MALRD1: variants seen among roughly 807,000 people sequenced by gnomAD.
The protein encoded by MALRD1 is MAM and LDL receptor class A domain containing 1.
In MALRD1, 247 loss-of-function variants were observed where a neutral mutation model predicts 242.1. The observed-to-expected ratio is 1.02, with a 90% confidence interval of 0.92 to 1.13. MALRD1 has a LOEUF of 1.13. MALRD1 is among the 50% of genes most tolerant of loss of function. The probability of loss-of-function intolerance (pLI) is 0.00; values close to 1 mark genes in which losing one functional copy is unlikely to be tolerated. For missense variants in MALRD1, 2,989 were observed against 2,533.1 expected, an observed-to-expected ratio of 1.18 and a Z score of -3.86; for synonymous variants, 995 against 866.6, an observed-to-expected ratio of 1.15 and a Z score of -2.60.
intron 13 of MALRD1, among the ~76,000 whole-genome samples, chr10:19,167,381 G>A (rs1297292380): frequency 6.6e-6 from 1 of 151,836 alleles, no homozygotes; most frequent in Non-Finnish European, 1.5e-5. Flanking sequence ...ACAAAAAAGT[G>A]TATGATTATA....
At chr10:19,365,298 AT>A (rs553208742) in intron 26 of MALRD1, among the ~76,000 whole-genome samples, 1 of 151,660 alleles carries the variant, frequency 6.6e-6, no homozygotes, top group South Asian at 2.1e-4. Flanking sequence ...TTTAGTGATG[AT>A]TTTTTTTGTG....
At chr10:19,453,055 T>C (rs913625230) in intron 29 of MALRD1, among the ~76,000 whole-genome samples, 4 of 152,198 alleles carry the variant, frequency 2.6e-5, no homozygotes, top group Non-Finnish European at 4.4e-5. Context: ...AAAATTAATG[T>C]TACATTTTAT....
intron 2 of MALRD1, among the ~76,000 whole-genome samples, chr10:19,072,095 T>C (rs746036681): frequency 9.2e-5 from 14 of 152,300 alleles, no homozygotes; most frequent in South Asian, 2.1e-4. Context: ...TTTTCTTATC[T>C]GCACGTACAC....
intron 29 of MALRD1, among the ~76,000 whole-genome samples, chr10:19,479,057 G>A (rs1406421077): frequency 2.6e-5 from 4 of 152,138 alleles, no homozygotes; most frequent in African/African-American, 9.7e-5. Flanking sequence ...GCCAGCCCAA[G>A]CAATTTTACC....
At chr10:19,492,248 T>C (rs1012076494) in intron 30 of MALRD1, among the ~76,000 whole-genome samples, 2 of 152,148 alleles carry the variant, frequency 1.3e-5, no homozygotes, top group African/African-American at 4.8e-5. Context: ...CCATATATTG[T>C]ACTGGAAAAA....
chr10:19,628,463 C>G (rs1334365713), intron 36 of MALRD1, among the ~76,000 whole-genome samples: 2 of 151,960 alleles, frequency 1.3e-5, no homozygotes, highest in East Asian at 3.9e-4. Context: ...GATATAAATC[C>G]TGACATAGAA....
At chr10:19,451,353 G>A (rs969875504) in intron 29 of MALRD1, among the ~76,000 whole-genome samples, 1 of 151,516 alleles carries the variant, frequency 6.6e-6, no homozygotes, top group African/African-American at 2.4e-5. Flanking sequence ...ACAGTAACTT[G>A]AAAAAAAAGT....
intron 28 of MALRD1, among the ~76,000 whole-genome samples, chr10:19,406,222 T>C (rs1847100526): frequency 6.6e-6 from 1 of 152,210 alleles, no homozygotes; most frequent in Admixed American, 6.5e-5. Context: ...AAATTAATCC[T>C]TCATGAAATG....
At chr10:19,298,249 G>C (rs935247482) in intron 21 of MALRD1, among the ~76,000 whole-genome samples, 30 of 151,670 alleles carry the variant, frequency 2.0e-4, no homozygotes, top group African/African-American at 7.1e-4. Flanking sequence ...TTCCCCACAA[G>C]AATCAATCCA....
intron 7 of MALRD1, among the ~76,000 whole-genome samples, chr10:19,125,282 TTTCTTTCTTTCCTTCCTTCCTTCCTTCC>T (rs1564407680): frequency 3.1e-5 from 3 of 97,314 alleles, no homozygotes; most frequent in African/African-American, 1.6e-4. Context: ...TCTTTCTTTC[TTTCTTTCTTTCCTTCCTTCCTTCCTTCC>T]TTCCTTCCTT....
chr10:19,291,963 G>C (rs533176687), intron 21 of MALRD1, among the ~76,000 whole-genome samples: 1 of 150,824 alleles, frequency 6.6e-6, no homozygotes, highest in Admixed American at 6.7e-5. Context: ...GTGCGTGCCT[G>C]TAATCCCAGT....
At chr10:19,432,354 GC>G (rs1025819779) in intron 28 of MALRD1, among the ~76,000 whole-genome samples, 2 of 152,120 alleles carry the variant, frequency 1.3e-5, no homozygotes, top group Non-Finnish European at 2.9e-5. Flanking sequence ...TTACATTTGT[GC>G]AATTTAGTTA....
chr10:19,123,809 G>A (rs947210402), intron 6 of MALRD1, among the ~76,000 whole-genome samples: 1 of 152,054 alleles, frequency 6.6e-6, no homozygotes, highest in African/African-American at 2.4e-5. Context: ...GGAATGATAT[G>A]CAATGTTTCT....
chr10:19,461,874 C>T (rs1032473724), intron 29 of MALRD1, among the ~76,000 whole-genome samples: 3 of 152,122 alleles, frequency 2.0e-5, no homozygotes, highest in Admixed American at 2.0e-4. Flanking sequence ...TTCTGTGGAA[C>T]GTCCATCTCT....
chr10:19,637,836 C>T (rs1208263865), intron 36 of MALRD1, among the ~76,000 whole-genome samples: 1 of 151,964 alleles, frequency 6.6e-6, no homozygotes, highest in Non-Finnish European at 1.5e-5. Flanking sequence ...TACGGTGGTT[C>T]ATGTCTGTAA....
In MALRD1 at chr10:19,238,463, A is replaced by ATTATACATTATATATAATGTATATTAT. The variant is rs1554817755; in HGVS notation, c.2992-19221_2992-19220insTTATACATTATATATAATGTATATTAT. ...ATAATATACATTATATATAATATAT[A>ATTATACATTATATATAATGTATATTAT]ATATAATATATAATATACATTATAT... On this transcript the variant is annotated intron_variant, in intron 18 of 39. Coordinates refer to ENST00000454679, the MANE Select transcript of MALRD1 (RefSeq NM_001142308.3). Among the ~76,000 whole-genome samples, 12 of 36,982 alleles carry ATTATACATTATATATAATGTATATTAT rather than the reference A, an allele frequency of 3.2e-4. 1 individual carries two copies. Among genetic ancestry groups the ATTATACATTATATATAATGTATATTAT allele is most frequent in the African/African-American group, 2.3e-3 (12 of 5,320 alleles). 24.3% of individuals were successfully genotyped at this position (36,982 alleles called of 152,430 possible).
intron 28 of MALRD1, among the ~76,000 whole-genome samples, chr10:19,396,589 A>G (rs553417756): frequency 1.7e-4 from 26 of 152,220 alleles, no homozygotes; most frequent in Non-Finnish European, 2.9e-4. Context: ...AATCAGGATT[A>G]AAAAACAATT....
At chr10:19,157,529 G>C (rs538510643) in intron 12 of MALRD1, among the ~76,000 whole-genome samples, 1 of 152,082 alleles carries the variant, frequency 6.6e-6, no homozygotes, top group South Asian at 2.1e-4. Flanking sequence ...TTACAGGCGT[G>C]AGCCACCGCA....
At position 19,139,435 on chromosome 10, in the gene MALRD1, C is replaced by CT. The variant is rs1027844185; in HGVS notation, c.1411+2662dup. Among the ~76,000 whole-genome samples, 6 of 152,068 alleles carry CT rather than the reference C, an allele frequency of 3.9e-5. 1 individual carries two copies. Among genetic ancestry groups the CT allele is most frequent in the Admixed American group, 3.9e-4 (6 of 15,258 alleles). On this transcript the variant is annotated intron_variant, in intron 10 of 39. Coordinates refer to ENST00000454679, the MANE Select transcript of MALRD1 (RefSeq NM_001142308.3). The stretch of plus-strand genomic sequence containing the variant: ...AAGCACAAGAAAAATACCTTTATAT[C>CT]TTTTTTTTCTTGCACTTTAGAATGA...
Sources: gnomAD v4.1 joint callset for allele counts (sites outside exome capture counted in the v4.1 genomes callset) on GRCh38, gnomAD v4.1.1 for gene constraint, MANE v1.5 for transcripts, NCBI Gene and HGNC (gene_info 2026-07-23, HGNC 2026-07-21) for gene names.